The following ATP6V0A4 variants were observed in gnomAD, a reference collection of about 807,000 sequenced individuals.
ATP6V0A4 encodes V-type proton ATPase 116 kDa subunit a 4.
A neutral mutation model predicts 107.3 loss-of-function variants in ATP6V0A4; 86 were observed. That is an observed-to-expected ratio of 0.80 (90% CI 0.67 to 0.96). The LOEUF (loss-of-function observed/expected upper bound fraction) is 0.96. Ranked by LOEUF, ATP6V0A4 falls within the 40% of genes least tolerant of loss-of-function variation. The pLI, the probability that ATP6V0A4 is intolerant of heterozygous loss-of-function variation, is 0.00. For synonymous variants in ATP6V0A4, 353 were observed against 381.4 expected, an observed-to-expected ratio of 0.93 and a Z score of 0.87; for missense variants, 908 against 1,045.6, an observed-to-expected ratio of 0.87 and a Z score of 1.81.
intron 5 of ATP6V0A4, among the ~76,000 whole-genome samples, chr7:138,765,976 C>T (rs1172287914): frequency 6.6e-6 from 1 of 152,036 alleles, no homozygotes; most frequent in Non-Finnish European, 1.5e-5. Context: ...GGTCTCAAAC[C>T]CCTGAGCTCA....
chr7:138,763,853 T>C (rs974762186), intron 5 of ATP6V0A4, among the ~76,000 whole-genome samples: 9 of 149,998 alleles, frequency 6.0e-5, no homozygotes, highest in African/African-American at 2.2e-4. Context: ...GGCAAAACTC[T>C]GGAGGCTGAG....
intron 15 of ATP6V0A4, among the ~76,000 whole-genome samples, chr7:138,736,317 G>C (rs1244429053): frequency 2.0e-5 from 3 of 152,118 alleles, no homozygotes; most frequent in Non-Finnish European, 4.4e-5. Flanking sequence ...AAGCAATTTA[G>C]ATGTGTTTAT....
At chr7:138,784,281 C>CATATATACGTATAT (rs1808074459) in intron 2 of ATP6V0A4, among the ~76,000 whole-genome samples, 1 of 114,534 alleles carries the variant, frequency 8.7e-6, no homozygotes, top group Non-Finnish European at 1.7e-5. Flanking sequence ...TATATATATA[C>CATATATACGTATAT]ATATATATAC....
At chr7:138,761,431 G>A (rs539605859) in intron 7 of ATP6V0A4, among the ~76,000 whole-genome samples, 44 of 151,958 alleles carry the variant, frequency 2.9e-4, no homozygotes, top group African/African-American at 4.1e-4. Context: ...TCAGGAGATC[G>A]AGACCATCCT....
intron 14 of ATP6V0A4, among the ~76,000 whole-genome samples, chr7:138,743,200 G>A (rs1353658197): frequency 9.9e-5 from 15 of 152,054 alleles, no homozygotes; most frequent in Admixed American, 9.8e-4. Context: ...GCTCATGCCT[G>A]TAATCCTAGC....
Position 138,708,561 on chromosome 7 carries a change from C to T in ATP6V0A4, c.2429+1063G>A, listed in dbSNP as rs982725557. 3.9e-5 allele frequency among the ~76,000 whole-genome samples: 6 copies of T among 152,304 alleles called. No individual in the cohort carries two copies. The East Asian group carries it at 1.2e-3, about 29-fold the overall frequency. On this transcript the variant is annotated intron_variant, in intron 21 of 21. Transcript: ENST00000310018. ...AGCTGAAGGGCATGCACTGCACACT[C>T]AGAATTCTTGGTTGAAATGTAACTT...
chr7:138,707,400 T>TTA lies in ATP6V0A4; in HGVS notation c.2430-685_2430-684dup, dbSNP rs1045092861. Among the ~76,000 whole-genome samples, 33 of 95,612 alleles carry TTA rather than the reference T, an allele frequency of 3.5e-4. 1 individual carries two copies. The highest frequency in any genetic ancestry group is 4.7e-4 in the Non-Finnish European group (24 of 51,430). 62.7% of individuals were successfully genotyped at this position (95,612 alleles called of 152,430 possible). A position where few individuals can be genotyped will look rare whatever the true frequency, so the allele number is the denominator to read the frequency against. Reference sequence around the variant, plus strand: ...TTATATATATATAAAAATAAATATATTATATATATATATTTTTTGAGACAG... The same window carrying TTA: ...TTATATATATATAAAAATAAATATATTATATATATATATATTTTTTGAGACAG... On this transcript the variant is annotated intron_variant, in intron 21 of 21. Transcript: ENST00000310018.
At chr7:138,740,961 T>C (rs1336672903) in intron 14 of ATP6V0A4, among the ~76,000 whole-genome samples, 1 of 150,896 alleles carries the variant, frequency 6.6e-6, no homozygotes, top group African/African-American at 2.4e-5. Context: ...TGGCCAACAA[T>C]GGTGAAACCC....
At chr7:138,793,422 G>T (rs1165474193) in intron 1 of ATP6V0A4, among the ~76,000 whole-genome samples, 4 of 152,180 alleles carry the variant, frequency 2.6e-5, no homozygotes, top group Non-Finnish European at 4.4e-5. Context: ...GAATGCAAAA[G>T]TTGACAAAAC....
At chr7:138,722,661 T>C (rs376239283) in intron 18 of ATP6V0A4, among the ~76,000 whole-genome samples, 46 of 129,320 alleles carry the variant, frequency 3.6e-4, no homozygotes, top group Middle Eastern at 5.3e-3. Flanking sequence ...AGGAGAGTCA[T>C]TGGAACTCAG....
At chr7:138,755,943 G>T (rs1806491805) in intron 9 of ATP6V0A4, 161 bp from the exon 10 acceptor site, 2 of 1,326,138 alleles carry the variant, frequency 1.5e-6, no homozygotes, top group Non-Finnish European at 2.1e-6. Context: ...CCAGTCATAA[G>T]GGTTCCCAGT....
intron 21 of ATP6V0A4, among the ~76,000 whole-genome samples, chr7:138,707,206 T>TA (rs1482295924): frequency 2.0e-4 from 17 of 84,236 alleles, no homozygotes; most frequent in African/African-American, 7.0e-4. Context: ...TTATATAATA[T>TA]ATTATATTAT....
At chr7:138,725,591 C>A (rs980598825) in intron 18 of ATP6V0A4, among the ~76,000 whole-genome samples, 10 of 152,176 alleles carry the variant, frequency 6.6e-5, no homozygotes, top group African/African-American at 2.2e-4. Flanking sequence ...CAGCTCACTG[C>A]CATCTCCACC....
intron 10 of ATP6V0A4, 136 bp from the exon 11 acceptor site, chr7:138,752,973 GCCTTGAACTC>G: frequency 6.7e-7 from 1 of 1,498,982 alleles, no homozygotes; most frequent in East Asian, 2.5e-5. Context: ...CTGTCACCTG[GCCTTGAACTC>G]TCCTGAGCAG....
intron 18 of ATP6V0A4, among the ~76,000 whole-genome samples, chr7:138,724,025 CAA>C (rs202234657): frequency 0.49 from 63,963 of 131,658 alleles, 15,030 homozygotes; most frequent in South Asian, 0.67. Flanking sequence ...TCCCATCTCT[CAA>C]AAAAAAAAAA....
chr7:138,791,454 A>G (rs1808407961), intron 1 of ATP6V0A4, among the ~76,000 whole-genome samples: 1 of 152,238 alleles, frequency 6.6e-6, no homozygotes, highest in Non-Finnish European at 1.5e-5. Flanking sequence ...ACTTATTAAT[A>G]ACATCAAGCT....
chr7:138,766,485 C>T lies in ATP6V0A4; in HGVS notation c.291+2295G>A, dbSNP rs138343321. ...CTTCCCAAAGTGCTGGGATTACAGG[C>T]GTAAGCCACTGCGCCTGGCCTATCA... On this transcript the variant is annotated intron_variant, in intron 5 of 21. Transcript: ENST00000310018. 7.9e-3 allele frequency among the ~76,000 whole-genome samples: 1,206 copies of T among 152,174 alleles called. 12 individuals carry two copies. The highest frequency in any genetic ancestry group is 0.027 in the African/African-American group (1,133 of 41,528).
chr7:138,734,024 C>T (rs745732797), intron 16 of ATP6V0A4, 112 bp downstream of exon 16: 15 of 1,273,228 alleles, frequency 1.2e-5, no homozygotes, highest in Admixed American at 1.9e-5. Context: ...AAGTACCCCT[C>T]ATAGGAAGAA....
In ATP6V0A4 at chr7:138,736,217, T is replaced by C. The variant is rs147340704; in HGVS notation, c.1573-1963A>G. ...ATGATCATGCCACTACATTACAGCC[T>C]GGGCAAGAGAGCAAGACTCTGTCTC... On this transcript the variant is annotated intron_variant, in intron 15 of 21. Transcript: ENST00000310018. 2.0e-3 allele frequency among the ~76,000 whole-genome samples: 298 copies of C among 152,250 alleles called. 3 individuals are homozygous for C. The highest frequency in any genetic ancestry group is 6.9e-3 in the African/African-American group (286 of 41,554).
Sources: gnomAD v4.1 joint callset for allele counts (sites outside exome capture counted in the v4.1 genomes callset) on GRCh38, gnomAD v4.1.1 for gene constraint, MANE v1.5 for transcripts, NCBI Gene and HGNC (gene_info 2026-07-23, HGNC 2026-07-21) for gene names.